The following TANGO6 variants were observed in gnomAD, a reference collection of about 807,000 sequenced individuals.
TANGO6 encodes the protein transport and Golgi organization protein 6 homolog.
TANGO6 carries 90 observed loss-of-function variants against 114.2 expected under a neutral mutation model. That is an observed-to-expected ratio of 0.79 (90% CI 0.66 to 0.94). The LOEUF (loss-of-function observed/expected upper bound fraction) is 0.94. Among genes scored for constraint, TANGO6 ranks in the 40% least tolerant of loss-of-function variants. The probability of loss-of-function intolerance (pLI) is 0.00; values close to 1 mark genes in which losing one functional copy is unlikely to be tolerated. For missense variants in TANGO6, 1,274 were observed against 1,315.3 expected, an observed-to-expected ratio of 0.97 and a Z score of 0.49; for synonymous variants, 477 against 509.8, an observed-to-expected ratio of 0.94 and a Z score of 0.87.
intron 15 of TANGO6, among the ~76,000 whole-genome samples, chr16:69,009,361 G>A (rs758263864): frequency 3.9e-5 from 6 of 152,114 alleles, no homozygotes; most frequent in South Asian, 2.1e-4. Context: ...GATTACAGGC[G>A]TGAGCCACTG....
At chr16:69,072,716 A>T (rs569783877) in intron 17 of TANGO6, among the ~76,000 whole-genome samples, 16 of 152,092 alleles carry the variant, frequency 1.1e-4, no homozygotes, top group Admixed American at 3.3e-4. Context: ...AGTTACTAAA[A>T]ACAGAGATCC....
intron 14 of TANGO6, among the ~76,000 whole-genome samples, chr16:68,963,440 A>C (rs1214729041): frequency 6.6e-6 from 1 of 152,144 alleles, no homozygotes; most frequent in Admixed American, 6.5e-5. Flanking sequence ...TTTACACCCT[A>C]GTTCCAATCC....
chr16:68,855,881 CAAA>C (rs749736878), intron 1 of TANGO6, among the ~76,000 whole-genome samples: 2 of 87,700 alleles, frequency 2.3e-5, no homozygotes, highest in Non-Finnish European at 2.4e-5. Context: ...GACTCAGTCT[CAAA>C]AAAAAAAAAA....
At chr16:68,973,902 C>G (rs1263441080) in intron 14 of TANGO6, 126 bp from the exon 15 acceptor site, 4 of 1,105,110 alleles carry the variant, frequency 3.6e-6, no homozygotes, top group Non-Finnish European at 5.2e-6. Context: ...AATAGGCAGC[C>G]CTTGCTGGGA....
chr16:68,878,045 A>G, intron 5 of TANGO6, 73 bp from the exon 6 acceptor site: 1 of 1,301,580 alleles, frequency 7.7e-7, no homozygotes, highest in Non-Finnish European at 1.0e-6. Context: ...AAAGAAATTC[A>G]TGCTTTTTGT....
Position 68,929,957 on chromosome 16 carries a change from T to G in TANGO6, c.2644-281T>G, listed in dbSNP as rs188630328. Among the ~76,000 whole-genome samples the G allele has an allele frequency of 3.6e-3, 545 of 152,330 alleles. 3 individuals carry two copies. Among genetic ancestry groups the G allele is most frequent in the Admixed American group, 6.2e-3 (95 of 15,300 alleles). The stretch of plus-strand genomic sequence containing the variant: ...CCATATGTGAGAATGTTATTCACCA[T>G]GGCTGTCATGGAAAAATGTTGAGGA... On this transcript the variant is annotated intron_variant, in intron 13 of 17. Transcript: ENST00000261778.
chr16:68,896,973 G>A (rs188892575), intron 7 of TANGO6, among the ~76,000 whole-genome samples: 51 of 151,962 alleles, frequency 3.4e-4, no homozygotes, highest in Non-Finnish European at 5.9e-4. Flanking sequence ...GCATGATCTC[G>A]GCTCACTGCA....
At chr16:69,040,970 C>T (rs1369335001) in intron 17 of TANGO6, among the ~76,000 whole-genome samples, 2 of 151,810 alleles carry the variant, frequency 1.3e-5, no homozygotes, top group Admixed American at 1.3e-4. Context: ...ATATAAAAAA[C>T]CATATGTGTG....
intron 11 of TANGO6, 44 bp downstream of exon 11, chr16:68,909,446 C>CT: frequency 7.0e-7 from 1 of 1,427,376 alleles, no homozygotes; most frequent in Non-Finnish European, 9.2e-7. Flanking sequence ...TTTTTCTTTC[C>CT]AAAAAATAAA....
At chr16:68,880,898 G>C (rs1962451644) in intron 7 of TANGO6, among the ~76,000 whole-genome samples, 1 of 152,010 alleles carries the variant, frequency 6.6e-6, no homozygotes, top group African/African-American at 2.4e-5. Context: ...AAGCTGTCTG[G>C]TTTTCACTTT....
At chr16:68,931,969 C>G (rs539720942) in intron 14 of TANGO6, among the ~76,000 whole-genome samples, 2 of 152,124 alleles carry the variant, frequency 1.3e-5, no homozygotes, top group African/African-American at 4.8e-5. Flanking sequence ...ATTCTTGTGT[C>G]TCAGCCTCCT....
chr16:68,893,260 A>G (rs1280161227), intron 7 of TANGO6, among the ~76,000 whole-genome samples: 2 of 152,208 alleles, frequency 1.3e-5, no homozygotes, highest in Admixed American at 1.3e-4. Context: ...TTACAGCACC[A>G]TTCATCCAAC....
At position 69,078,683 on chromosome 16, in the gene TANGO6, T is replaced by TTACA. The variant is rs375896442; in HGVS notation, c.3109-4801_3109-4798dup. Among the ~76,000 whole-genome samples the TTACA allele has an allele frequency of 3.2e-3, 490 of 152,328 alleles. 4 individuals are homozygous for TTACA. The highest frequency in any genetic ancestry group is 0.011 in the African/African-American group (475 of 41,590). On this transcript the variant is annotated intron_variant, in intron 17 of 17. Transcript: ENST00000261778. ...TAGATGTTTCCATTGTTAAATGGCC[T>TTACA]TACAAAGTCTTTGCGTAGAGTTGAC... is the stretch of plus-strand genomic sequence containing the variant.
At chr16:68,907,303 A>G (rs2152185065) in intron 9 of TANGO6, 140 bp from the exon 10 acceptor site, 1 of 1,006,006 alleles carries the variant, frequency 9.9e-7, no homozygotes, top group East Asian at 2.8e-5. Context: ...AAACAATAAA[A>G]TAAGTTAAAT....
At chr16:68,933,043 G>C (rs1963262793) in intron 14 of TANGO6, among the ~76,000 whole-genome samples, 1 of 152,178 alleles carries the variant, frequency 6.6e-6, no homozygotes, top group Admixed American at 6.5e-5. Context: ...TACGTCTACT[G>C]TTGGATGACT....
chr16:68,969,862 A>G (rs1963685404), intron 14 of TANGO6, among the ~76,000 whole-genome samples: 1 of 152,124 alleles, frequency 6.6e-6, no homozygotes, highest in Non-Finnish European at 1.5e-5. Flanking sequence ...AAAAGATGCC[A>G]TCGGGTCTCT....
intron 3 of TANGO6, among the ~76,000 whole-genome samples, chr16:68,865,618 G>A (rs565322433): frequency 6.6e-6 from 1 of 152,190 alleles, no homozygotes; most frequent in East Asian, 1.9e-4. Flanking sequence ...ATCATACTGG[G>A]GCAGGAAAGA....
chr16:69,025,611 A>G (rs1490702422), intron 16 of TANGO6, among the ~76,000 whole-genome samples: 3 of 152,218 alleles, frequency 2.0e-5, no homozygotes, highest in Non-Finnish European at 2.9e-5. Context: ...CAAGTTTTCA[A>G]TCCAGTCTGA....
intron 9 of TANGO6, among the ~76,000 whole-genome samples, chr16:68,906,635 A>G (rs1962852920): frequency 6.6e-6 from 1 of 151,182 alleles, no homozygotes; most frequent in Non-Finnish European, 1.5e-5. Context: ...TTCAGTGGCT[A>G]TTCATAGTTG....
Sources: gnomAD v4.1 joint callset for allele counts (sites outside exome capture counted in the v4.1 genomes callset) on GRCh38, gnomAD v4.1.1 for gene constraint, MANE v1.5 for transcripts, NCBI Gene and HGNC (gene_info 2026-07-23, HGNC 2026-07-21) for gene names.